The following RELN variants were observed in gnomAD, a reference collection of about 807,000 sequenced individuals.
RELN encodes reelin.
Under a neutral mutation model 427.6 loss-of-function variants are expected in RELN, and 108 were observed. The observed-to-expected ratio is 0.25, with a 90% CI of 0.22 to 0.30. The LOEUF (loss-of-function observed/expected upper bound fraction) is 0.30, where lower values mean the gene tolerates loss of function less well. Ranked by LOEUF, RELN falls within the 10% of genes least tolerant of loss-of-function variation. The pLI, the probability that RELN is intolerant of heterozygous loss-of-function variation, is 1.00. For missense variants in RELN, 3,715 were observed against 4,302.8 expected (o/e 0.86, Z 3.82); for synonymous variants, 1,524 against 1,513.4 (o/e 1.01, Z -0.16).
intron 58 of RELN, 99 bp downstream of exon 58, chr7:103,491,854 T>TCACACACACACACACACACA (rs1465537709): frequency 2.8e-6 from 1 of 362,078 alleles, no homozygotes; most frequent in Non-Finnish European, 4.7e-6. Flanking sequence ...TCTCTCTCTC[T>TCACACACACACACACACACA]CTCACACACA....
chr7:103,604,674 AG>A, intron 22 of RELN, among the ~76,000 whole-genome samples, 191 bp from the exon 23 acceptor site: 1 of 152,220 alleles, frequency 6.6e-6, no homozygotes, highest in East Asian at 1.9e-4. Flanking sequence ...AAAGTTAAAG[AG>A]AAATCTGTCT....
rs535282804 is a variant in RELN at position 103,843,598 on chromosome 7, A to G, written c.338-9926T>C. ...GAAGAGAGCCCTTCCTATAAGGCACAAGCTTAGGCTCTCTGTCTTTTTCTC... is the reference window on the plus strand; with the variant it reads ...GAAGAGAGCCCTTCCTATAAGGCACGAGCTTAGGCTCTCTGTCTTTTTCTC... On this transcript the variant is annotated intron_variant, in intron 2 of 64. Coordinates refer to ENST00000428762, the MANE Select transcript of RELN (RefSeq NM_005045.4). 2.6e-5 allele frequency among the ~76,000 whole-genome samples: 4 copies of G among 152,326 alleles called. No individual in the cohort carries two copies. In the South Asian group the frequency reaches 8.3e-4, roughly 32 times the overall value.
At chr7:103,648,380 GC>G (rs1212285165) in intron 16 of RELN, among the ~76,000 whole-genome samples, 4 of 152,044 alleles carry the variant, frequency 2.6e-5, no homozygotes, top group Non-Finnish European at 5.9e-5. Flanking sequence ...AGACCTCCTA[GC>G]CATGCTTTCT....
chr7:103,507,859 C>G (rs1276525283), intron 51 of RELN, among the ~76,000 whole-genome samples: 1 of 152,218 alleles, frequency 6.6e-6, no homozygotes, highest in African/African-American at 2.4e-5. Context: ...GATATCACCA[C>G]TGATCCCACA....
intron 4 of RELN, among the ~76,000 whole-genome samples, chr7:103,776,154 T>C (rs1791736128): frequency 6.6e-6 from 1 of 152,190 alleles, no homozygotes; most frequent in Non-Finnish European, 1.5e-5. Flanking sequence ...GGCCCATAGA[T>C]ACTGTACACA....
intron 27 of RELN, among the ~76,000 whole-genome samples, chr7:103,592,874 T>A (rs935541067): frequency 6.6e-6 from 1 of 152,210 alleles, no homozygotes; most frequent in Non-Finnish European, 1.5e-5. Context: ...TAGTTTAGCA[T>A]CAGAATCTAA....
At chr7:103,890,280 C>T (rs1794818420) in intron 2 of RELN, among the ~76,000 whole-genome samples, 1 of 151,684 alleles carries the variant, frequency 6.6e-6, no homozygotes. Context: ...CCCAATGTGT[C>T]CATCAGACTG....
At chr7:103,722,990 A>C in intron 8 of RELN, 150 bp downstream of exon 8, 1 of 626,952 alleles carries the variant, frequency 1.6e-6, no homozygotes, top group Non-Finnish European at 2.9e-6. Context: ...TATTTATTTC[A>C]CTTTAAAAAT....
chr7:103,975,670 C>T (rs1239118394), intron 1 of RELN, among the ~76,000 whole-genome samples: 9 of 150,972 alleles, frequency 6.0e-5, no homozygotes, highest in Non-Finnish European at 7.4e-5. Flanking sequence ...CTCAGCCTCC[C>T]GAGTAGCTGG....
At chr7:103,617,064 T>G (rs1335722595) in intron 20 of RELN, among the ~76,000 whole-genome samples, 3 of 152,198 alleles carry the variant, frequency 2.0e-5, no homozygotes, top group Non-Finnish European at 4.4e-5. Context: ...TTGTCAATAC[T>G]GAACTTTTTA....
intron 4 of RELN, among the ~76,000 whole-genome samples, chr7:103,756,317 T>C (rs966064307): frequency 2.0e-5 from 3 of 152,198 alleles, no homozygotes; most frequent in Non-Finnish European, 4.4e-5. Context: ...CCGGAAGTTG[T>C]ATTTTTTAAA....
intron 8 of RELN, among the ~76,000 whole-genome samples, chr7:103,714,439 C>A (rs1789885816): frequency 6.6e-6 from 1 of 152,172 alleles, no homozygotes; most frequent in African/African-American, 2.4e-5. Context: ...TACCAATTCT[C>A]TGATCACGGG....
intron 6 of RELN, among the ~76,000 whole-genome samples, chr7:103,731,372 T>C (rs748469707): frequency 6.6e-6 from 1 of 152,058 alleles, no homozygotes; most frequent in Non-Finnish European, 1.5e-5. Flanking sequence ...GCAAAGGATG[T>C]GTCTAGAAAG....
At chr7:103,739,899 C>G (rs922342769) in intron 6 of RELN, among the ~76,000 whole-genome samples, 1 of 152,168 alleles carries the variant, frequency 6.6e-6, no homozygotes, top group African/African-American at 2.4e-5. Context: ...GGACTGGGAA[C>G]AGCAGAACAG....
chr7:103,961,350 C>A (rs1428132308), intron 1 of RELN, among the ~76,000 whole-genome samples: 4 of 152,138 alleles, frequency 2.6e-5, no homozygotes. Flanking sequence ...ACCTACAGAG[C>A]AAATAAACTG....
chr7:103,519,560 G>T, intron 48 of RELN, 44 bp from the exon 49 acceptor site: 4 of 1,408,326 alleles, frequency 2.8e-6, no homozygotes, highest in South Asian at 1.2e-5. Flanking sequence ...AAGGAATCTC[G>T]ATTGCAGATT....
chr7:103,912,395 A>C (rs1220324990), intron 2 of RELN, among the ~76,000 whole-genome samples: 1 of 152,074 alleles, frequency 6.6e-6, no homozygotes, highest in Non-Finnish European at 1.5e-5. Context: ...TATGTTGGCC[A>C]GGCTGGTCTT....
chr7:103,557,916 T>A (rs780458527), intron 37 of RELN, 49 bp downstream of exon 37: 2 of 880,290 alleles, frequency 2.3e-6, no homozygotes, highest in African/African-American at 3.3e-5. Flanking sequence ...GGAAAAGGAA[T>A]TGCACAGGGG....
intron 3 of RELN, among the ~76,000 whole-genome samples, chr7:103,832,343 A>G (rs1793293722): frequency 6.6e-6 from 1 of 152,152 alleles, no homozygotes; most frequent in Admixed American, 6.6e-5. Flanking sequence ...TATTCGACAA[A>G]TATTTAGTGA....
Sources: allele counts gnomAD v4.1 joint callset (sites outside exome capture counted in the v4.1 genomes callset), GRCh38; gene constraint gnomAD v4.1.1; transcripts MANE v1.5; gene names NCBI Gene and HGNC (gene_info 2026-07-23, HGNC 2026-07-21).